CFAP95: variants seen among roughly 807,000 people sequenced by gnomAD.
CFAP95 encodes the protein cilia and flagella associated protein 95.
the CFAP95 span, among the ~76,000 whole-genome samples, chr9:69,872,399 C>A: frequency 9.5e-4 from 145 of 152,234 alleles, no homozygotes; most frequent in African/African-American, 3.4e-3. Flanking sequence ...AGTAATTAAT[C>A]CATTTATTCT....
the CFAP95 span, among the ~76,000 whole-genome samples, chr9:69,827,109 A>G: frequency 6.6e-6 from 1 of 152,240 alleles, no homozygotes; most frequent in Non-Finnish European, 1.5e-5. Context: ...TGCTGTTCCT[A>G]GTTGCAGTGT....
chr9:69,832,620 ATTTTT>A, the CFAP95 span, among the ~76,000 whole-genome samples: 17 of 11,350 alleles, frequency 1.5e-3, no homozygotes, highest in Middle Eastern at 0.5. Context: ...GTCTATTCGG[ATTTTT>A]TTTTTTTTTT....
chr9:69,823,078 G>A, the CFAP95 span, among the ~76,000 whole-genome samples: 1 of 152,162 alleles, frequency 6.6e-6, no homozygotes, highest in Admixed American at 6.5e-5. Context: ...AAGGAAAGAG[G>A]TTTAATTGAC....
chr9:69,829,176 C>T, the CFAP95 span, among the ~76,000 whole-genome samples: 1 of 152,218 alleles, frequency 6.6e-6, no homozygotes, highest in South Asian at 2.1e-4. Context: ...CATTCCTCAA[C>T]ATACGCACAT....
chr9:69,852,308 G>A, the CFAP95 span, among the ~76,000 whole-genome samples: 3 of 152,156 alleles, frequency 2.0e-5, no homozygotes, highest in Non-Finnish European at 4.4e-5. Flanking sequence ...CCAAGTAAGT[G>A]AGATGCCAAC....
chr9:69,859,893 GTATCTAAACA>G, the CFAP95 span, among the ~76,000 whole-genome samples: 3 of 152,100 alleles, frequency 2.0e-5, no homozygotes, highest in Non-Finnish European at 4.4e-5. Flanking sequence ...AAGTATTTAT[GTATCTAAACA>G]TATCTAAACA....
chr9:69,823,810 G>A, the CFAP95 span, among the ~76,000 whole-genome samples: 1 of 152,306 alleles, frequency 6.6e-6, no homozygotes, highest in African/African-American at 2.4e-5. Flanking sequence ...TCTCTGGCGG[G>A]CAGGAGTGGG....
At chr9:69,837,559 C>G in the CFAP95 span, among the ~76,000 whole-genome samples, 7 of 152,110 alleles carry the variant, frequency 4.6e-5, no homozygotes, top group African/African-American at 7.2e-5. Flanking sequence ...ATGTCCTTCG[C>G]CCACTTTTTG....
the CFAP95 span, among the ~76,000 whole-genome samples, chr9:69,871,016 C>T: frequency 2.0e-3 from 303 of 151,932 alleles, no homozygotes; most frequent in African/African-American, 6.9e-3. Flanking sequence ...GCCAGGAGTT[C>T]GAGACCAGCC....
chr9:69,852,211 G>C, the CFAP95 span, among the ~76,000 whole-genome samples: 1 of 151,884 alleles, frequency 6.6e-6, no homozygotes, highest in East Asian at 1.9e-4. Context: ...AGTTGGTAGG[G>C]GGAATGCTGC....
chr9:69,898,342 C>T, the CFAP95 span, among the ~76,000 whole-genome samples: 3 of 152,184 alleles, frequency 2.0e-5, no homozygotes, highest in Admixed American at 6.5e-5. Flanking sequence ...GCTTCCCCAA[C>T]ATTTGTGCCC....
the CFAP95 span, among the ~76,000 whole-genome samples, chr9:69,837,558 G>A: frequency 3.9e-4 from 60 of 152,026 alleles, no homozygotes; most frequent in South Asian, 2.1e-4. Flanking sequence ...CATGTCCTTC[G>A]CCCACTTTTT....
At chr9:69,843,925 T>A in the CFAP95 span, among the ~76,000 whole-genome samples, 11 of 151,960 alleles carry the variant, frequency 7.2e-5, no homozygotes, top group Non-Finnish European at 1.2e-4. Flanking sequence ...CGTGTGTTAC[T>A]GTTCCCTGCC....
the CFAP95 span, among the ~76,000 whole-genome samples, chr9:69,825,378 T>G: frequency 6.6e-6 from 1 of 152,216 alleles, no homozygotes; most frequent in Non-Finnish European, 1.5e-5. Context: ...CTATTTGACC[T>G]CATTACTCAT....
chr9:69,860,409 G>A, the CFAP95 span, among the ~76,000 whole-genome samples: 119 of 152,064 alleles, frequency 7.8e-4, no homozygotes, highest in East Asian at 0.022. Context: ...CTGCAAGGAG[G>A]GCACCAAGCC....
At chr9:69,901,636 G>T in the CFAP95 span, among the ~76,000 whole-genome samples, 1 of 152,122 alleles carries the variant, frequency 6.6e-6, no homozygotes, top group Admixed American at 6.6e-5. Flanking sequence ...TGTGAATAGT[G>T]CTGCAGTAAC....
chr9:69,876,785 C>T, the CFAP95 span, among the ~76,000 whole-genome samples: 1 of 152,052 alleles, frequency 6.6e-6, no homozygotes, highest in Admixed American at 6.6e-5. Context: ...CAGGCACCCG[C>T]CAGCACGCCT....
At chr9:69,896,232 G>T in the CFAP95 span, among the ~76,000 whole-genome samples, 1 of 152,146 alleles carries the variant, frequency 6.6e-6, no homozygotes, top group Non-Finnish European at 1.5e-5. Context: ...AATCGTATTT[G>T]TGTTTTATAT....
At chr9:69,882,555 T>C in the CFAP95 span, among the ~76,000 whole-genome samples, 96,781 of 152,030 alleles carry the variant, frequency 0.64, 31,143 homozygotes, top group East Asian at 0.82. Flanking sequence ...TCAGTTTTTC[T>C]GCATTCAGTA....
Sources: gnomAD v4.1 joint callset for allele counts (sites outside exome capture counted in the v4.1 genomes callset) on GRCh38, gnomAD v4.1.1 for gene constraint, MANE v1.5 for transcripts, NCBI Gene and HGNC (gene_info 2026-07-23, HGNC 2026-07-21) for gene names.